Variants in HIPK3 observed in about 807,000 individuals in gnomAD.
HIPK3 encodes the protein homeodomain interacting protein kinase 3, also known as homeodomain-interacting protein kinase 3.
Under a neutral mutation model 124.2 loss-of-function variants are expected in HIPK3, and 47 were observed. The ratio of observed to expected loss-of-function variants is 0.38; its 90% CI spans 0.30 to 0.48. HIPK3 has a LOEUF of 0.48. HIPK3 is among the 20% of genes least tolerant of loss of function. HIPK3 has a pLI of 0.98. For synonymous variants in HIPK3, 482 were observed against 515.2 expected (o/e 0.94, Z 0.87); for missense variants, 1,286 against 1,454.3 (o/e 0.88, Z 1.88).
chr11:33,333,142 C>A (rs976280140), intron 3 of HIPK3, among the ~76,000 whole-genome samples: 1 of 152,062 alleles, frequency 6.6e-6, no homozygotes, highest in Non-Finnish European at 1.5e-5. Flanking sequence ...TTGGAGGGGA[C>A]AAACATTCAA....
At chr11:33,315,446 T>C (rs1363449376) in intron 2 of HIPK3, among the ~76,000 whole-genome samples, 1 of 152,164 alleles carries the variant, frequency 6.6e-6, no homozygotes, top group Non-Finnish European at 1.5e-5. Flanking sequence ...AGGATGGTCT[T>C]GATCTCCTGA....
intron 1 of HIPK3, among the ~76,000 whole-genome samples, chr11:33,280,637 T>C (rs946937698): frequency 4.6e-5 from 7 of 152,216 alleles, no homozygotes; most frequent in Admixed American, 3.9e-4. Flanking sequence ...TGAGGGATAA[T>C]GACACTTTGT....
rs779133811 is a variant in HIPK3, at chr11:33,347,323, G to C, written c.1928G>C (p.Ser643Thr). The C allele has an allele frequency of 1.2e-5, 19 of 1,613,524 alleles. No individual in the cohort carries two copies. The highest frequency in any genetic ancestry group is 1.2e-5 in the Non-Finnish European group (14 of 1,179,608). Reference sequence around the variant, plus strand: ...CCTGCAACACATGGTAAACCCACCAGTTATTCAATAAGGGTAGATAATACA... The same window carrying C: ...CCTGCAACACATGGTAAACCCACCACTTATTCAATAAGGGTAGATAATACA... ...GIPATHGKPTSYSIRVDNTVP... is the reference protein window; with the variant it reads ...GIPATHGKPTTYSIRVDNTVP... Residue 643 changes from serine to threonine, a missense_variant, in exon 9 of 17, where the codon AGT (serine) becomes ACT (threonine). By Grantham distance (58) the Ser-to-Thr change is moderately conservative. Around this residue, in one of 3 missense-constraint regions of HIPK3, gnomAD observed 810 missense variants for 864.9 expected, o/e 0.94. Transcript: ENST00000303296.
chr11:33,257,944 T>A, intron 1 of HIPK3, 55 bp downstream of exon 1: 1 of 985,098 alleles, frequency 1.0e-6, no homozygotes, highest in Non-Finnish European at 1.2e-6. Flanking sequence ...ATCGGCTCCG[T>A]CTGCGGGCTC....
At chr11:33,261,159 A>G (rs933217188) in intron 1 of HIPK3, among the ~76,000 whole-genome samples, 1 of 146,858 alleles carries the variant, frequency 6.8e-6, no homozygotes, top group Non-Finnish European at 1.5e-5. Context: ...TTATATAAAT[A>G]TATATAATAC....
At chr11:33,339,314 T>C (rs577981222) in intron 5 of HIPK3, 36 bp from the exon 6 acceptor site, 3 of 1,514,690 alleles carry the variant, frequency 2.0e-6, no homozygotes, top group African/African-American at 1.7e-5. Context: ...CTGTGACTTA[T>C]TTTTACTTGA....
chr11:33,280,760 C>A (rs1182641916), intron 1 of HIPK3, among the ~76,000 whole-genome samples: 3 of 152,152 alleles, frequency 2.0e-5, no homozygotes, highest in African/African-American at 7.2e-5. Context: ...AAAAATTTCT[C>A]TATGTCAGTT....
rs374715839 is a variant in HIPK3, at chr11:33,353,092, G to C, written c.3172G>C (p.Val1058Leu). ...FQQQHLNFSQ[V>L]QHFGSGHQEW... Reference sequence around the variant, plus strand: ...ATTTTTTTTTTTTCTTTGTGGATAGGTTCAGCACTTTGGATCTGGGCATCA... The same window carrying C: ...ATTTTTTTTTTTTCTTTGTGGATAGCTTCAGCACTTTGGATCTGGGCATCA... Residue 1058 changes from valine to leucine, a missense_variant and splice_region_variant, in exon 17 of 17, where the codon GTT (valine) becomes CTT (leucine). Physicochemically the swap from Val to Leu is conservative, Grantham distance 32. Coordinates refer to ENST00000303296, the MANE Select transcript of HIPK3 (RefSeq NM_005734.5). 3.5e-5 allele frequency: 55 copies of C among 1,590,480 alleles called. No homozygotes were observed. The highest frequency in any genetic ancestry group is 4.6e-5 in the Non-Finnish European group (53 of 1,163,542).
At chr11:33,287,727 A>G (rs1851595538) in intron 2 of HIPK3, among the ~76,000 whole-genome samples, 1 of 152,190 alleles carries the variant, frequency 6.6e-6, no homozygotes, top group Non-Finnish European at 1.5e-5. Flanking sequence ...GTTCCATGCC[A>G]AAGACATCTG....
At chr11:33,281,492 C>G (rs1171887406) in intron 1 of HIPK3, among the ~76,000 whole-genome samples, 1 of 152,014 alleles carries the variant, frequency 6.6e-6, no homozygotes, top group Non-Finnish European at 1.5e-5. Context: ...TTAATAGGTT[C>G]CACAGATGAT....
rs760929205 is a variant in HIPK3 at position 33,353,449 on chromosome 11, A to G, written c.3529A>G (p.Thr1177Ala). The G allele has an allele frequency of 6.8e-6, 11 of 1,613,566 alleles. No individual in the cohort carries two copies. The highest frequency in any genetic ancestry group is 5.0e-5 in the Admixed American group (3 of 59,974). The change falls in exon 17 of 17, where the codon ACC becomes GCC. Residue 1177 changes from threonine (T) to alanine (A), a missense_variant. Transcript: ENST00000303296. ...GLNPRLLPSP[T>A]IHQTQYKPIF... ...AAATCCCCGTCTGTTACCATCCCCA[A>G]CCATTCATCAGACTCAGTACAAACC...
intron 2 of HIPK3, among the ~76,000 whole-genome samples, chr11:33,313,480 ACT>A (rs1376669606): frequency 2.0e-5 from 3 of 152,248 alleles, no homozygotes; most frequent in African/African-American, 7.2e-5. Flanking sequence ...CTGCCACTTA[ACT>A]CTCAAACAGT....
intron 1 of HIPK3, among the ~76,000 whole-genome samples, chr11:33,267,128 GTT>G (rs750809898): frequency 1.2e-4 from 17 of 143,438 alleles, no homozygotes; most frequent in African/African-American, 3.8e-4. Flanking sequence ...CCAGCTTTTT[GTT>G]TTTTTTTTTT....
Position 33,347,908 on chromosome 11 carries a change from CCAAT to C in HIPK3, c.2204_2207del (p.Asn735ArgfsTer2). ...TCAGTGATGCCGCAGCCTCTTCTGA[CCAAT>C]CAGATAACTTTATCTGCCCCTCAGC... On this transcript the variant is annotated frameshift_variant, in exon 11 of 17. Transcript: ENST00000303296. LOFTEE classifies it high-confidence loss of function. 6.2e-7 allele frequency: 1 copy of C among 1,614,194 alleles called. No homozygotes were observed. Among genetic ancestry groups the C allele is most frequent in the Non-Finnish European group, 8.5e-7 (1 of 1,180,012 alleles).
chr11:33,261,345 T>A (rs1235957002), intron 1 of HIPK3, among the ~76,000 whole-genome samples: 1 of 151,976 alleles, frequency 6.6e-6, no homozygotes, highest in Non-Finnish European at 1.5e-5. Flanking sequence ...TAGTTATTTT[T>A]TCTGCTCTTC....
intron 2 of HIPK3, among the ~76,000 whole-genome samples, chr11:33,309,148 T>C (rs1370884645): frequency 2.6e-5 from 4 of 152,194 alleles, no homozygotes; most frequent in African/African-American, 9.7e-5. Flanking sequence ...TTTATTTATT[T>C]ATTTTTTATT....
At chr11:33,286,103 T>C (rs1851543554) in intron 1 of HIPK3, among the ~76,000 whole-genome samples, 1 of 152,200 alleles carries the variant, frequency 6.6e-6, no homozygotes, top group East Asian at 1.9e-4. Context: ...TTCTAGGGCA[T>C]ATTGGCCATT....
chr11:33,296,054 C>G (rs927304416), intron 2 of HIPK3, among the ~76,000 whole-genome samples: 2 of 152,140 alleles, frequency 1.3e-5, no homozygotes, highest in African/African-American at 4.8e-5. Flanking sequence ...GGAATTCTTC[C>G]ACAAGAAGAG....
Position 33,339,450 on chromosome 11 carries a change from C to T in HIPK3, c.1529C>T (p.Ala510Val). The T allele has an allele frequency of 6.2e-7, 1 of 1,612,838 alleles. No individual in the cohort carries two copies. The highest frequency in any genetic ancestry group is 1.1e-5 in the South Asian group (1 of 91,030). ...SLLKKMLLID[A>V]DLRITPAETL... ...TTGAAGAAAATGTTGCTGATTGATGCAGATTTAAGAATTACTCCAGCTGAG... is the reference window on the plus strand; with the variant it reads ...TTGAAGAAAATGTTGCTGATTGATGTAGATTTAAGAATTACTCCAGCTGAG... The change falls in exon 6 of 17, where the codon GCA becomes GTA. Residue 510 changes from alanine to valine, a missense_variant. Physicochemically the swap from Ala to Val is moderately conservative, Grantham distance 64. Coordinates refer to ENST00000303296, the MANE Select transcript of HIPK3 (RefSeq NM_005734.5).
Sources: allele counts gnomAD v4.1 joint callset (sites outside exome capture counted in the v4.1 genomes callset), GRCh38; gene constraint gnomAD v4.1.1; regional missense constraint gnomAD v4.1.1; transcripts MANE v1.5; gene names NCBI Gene and HGNC (gene_info 2026-07-23, HGNC 2026-07-21).